ARHGEF3: variants seen among roughly 807,000 people sequenced by gnomAD.
ARHGEF3 encodes 59.8 kDA protein.
In ARHGEF3, 28 loss-of-function variants were observed where a neutral mutation model predicts 63.2. The observed-to-expected ratio is 0.44, with a 90% CI of 0.33 to 0.61. The LOEUF (loss-of-function observed/expected upper bound fraction) is 0.61, where lower values mean the gene tolerates loss of function less well. ARHGEF3 is among the 20% of genes least tolerant of loss of function. The pLI is 0.03. For synonymous variants in ARHGEF3, 266 were observed against 254.2 expected (o/e 1.05, Z -0.44); for missense variants, 533 against 659.3 (o/e 0.81, Z 2.10).
intron 4 of ARHGEF3, among the ~76,000 whole-genome samples, chr3:56,819,241 C>G (rs2038377860): frequency 1.3e-5 from 2 of 152,170 alleles, no homozygotes; most frequent in African/African-American, 2.4e-5. Flanking sequence ...GGAAAAGGCA[C>G]AGAAGGTATG....
rs56077931 is a variant in ARHGEF3, at chr3:56,733,346, G to C, written c.1042-922C>G. ...GTGGGCGGGGCGGGGGGGGGGGGGG[G>C]GCGCCTGTAATCCCAGCTACTCAGG... On this transcript the variant is annotated intron_variant, in intron 8 of 9. Transcript: ENST00000296315. Among the ~76,000 whole-genome samples the C allele has an allele frequency of 2.3e-3, 107 of 47,080 alleles. 2 individuals are homozygous for C. Among genetic ancestry groups the C allele is most frequent in the African/African-American group, 8.2e-3 (103 of 12,588 alleles). 30.9% of individuals were successfully genotyped at this position (47,080 alleles called of 152,430 possible). A position where few individuals can be genotyped will look rare whatever the true frequency, so the allele number is the denominator to read the frequency against.
chr3:57,063,286 AGCC>A lies in ARHGEF3; in HGVS notation c.-28+15937_-28+15939del, dbSNP rs1417056157. Among the ~76,000 whole-genome samples, 3 of 81,298 alleles carry A rather than the reference AGCC, an allele frequency of 3.7e-5. No individual in the cohort carries two copies. In the East Asian group the frequency reaches 2.0e-3, roughly 54 times the overall value. 53.3% of individuals were successfully genotyped at this position (81,298 alleles called of 152,430 possible). A position where few individuals can be genotyped will look rare whatever the true frequency, so the allele number is the denominator to read the frequency against. On this transcript the variant is annotated intron_variant, in intron 1 of 12. Coordinates refer to the ARHGEF3 transcript ENST00000338458. ...GCAGCCAGATCACATGGGGCCTTGC[AGCC>A]AGCCACCCTAAAGGCTTTGGCTTTG...
chr3:56,769,071 T>C (rs2035868002), intron 2 of ARHGEF3, among the ~76,000 whole-genome samples: 1 of 152,264 alleles, frequency 6.6e-6, no homozygotes, highest in Non-Finnish European at 1.5e-5. Flanking sequence ...ATGTTCTTTT[T>C]CTCTTTCTCC....
At chr3:56,840,688 C>A (rs2108108305) in intron 4 of ARHGEF3, among the ~76,000 whole-genome samples, 1 of 152,244 alleles carries the variant, frequency 6.6e-6, no homozygotes, top group African/African-American at 2.4e-5. Context: ...AATTTTAAAA[C>A]TGAGAAGACA....
intron 2 of ARHGEF3, among the ~76,000 whole-genome samples, chr3:56,772,953 T>C (rs2036086850): frequency 6.6e-6 from 1 of 152,216 alleles, no homozygotes; most frequent in East Asian, 1.9e-4. Flanking sequence ...TTAAGTCACC[T>C]GCCCAAGGTG....
Position 56,915,907 on chromosome 3 carries a change from C to T in ARHGEF3, c.130-33553G>A, listed in dbSNP as rs191314634. 9.3e-4 allele frequency among the ~76,000 whole-genome samples: 141 copies of T among 152,294 alleles called. 1 individual carries two copies. Among genetic ancestry groups the T allele is most frequent in the Non-Finnish European group, 9.0e-4 (61 of 68,022 alleles). ...CAGAAGGCAGATGCATCCTTCTTTT[C>T]CCTCTTTTCCTTCCCATTAATTAAA... On this transcript the variant is annotated intron_variant, in intron 3 of 12. Coordinates refer to the ARHGEF3 transcript ENST00000338458.
Position 56,753,533 on chromosome 3 carries a change from A to C in ARHGEF3, c.409T>G (p.Leu137Val). Residue 137 changes from leucine (L) to valine (V), a missense_variant, in exon 4 of 10, where the codon TTG becomes GTG. By Grantham distance (32) the Leu-to-Val change is conservative. This residue lies in a region of ARHGEF3 where 107 missense variants were observed against 207.9 expected (regional missense o/e 0.51). Coordinates refer to ENST00000296315, the MANE Select transcript of ARHGEF3 (RefSeq NM_019555.3). The stretch of plus-strand genomic sequence containing the variant: ...TTTGCTAATTTCAAGTCTTCTATCA[A>C]GTCTTCTTCTCCTTGGGAAAGCTCA... The part of the protein sequence containing the change: ...IFELSQGEED[L>V]IEDLKLAKKA... The C allele has an allele frequency of 6.2e-7, 1 of 1,613,926 alleles. No homozygotes were observed. The highest frequency in any genetic ancestry group is 1.3e-5 in the African/African-American group (1 of 75,030).
At chr3:56,762,398 G>T (rs1358414668) in intron 2 of ARHGEF3, among the ~76,000 whole-genome samples, 1 of 152,152 alleles carries the variant, frequency 6.6e-6, no homozygotes, top group Non-Finnish European at 1.5e-5. Context: ...CAGAGATAAT[G>T]CAGATTGAGG....
intron 3 of ARHGEF3, among the ~76,000 whole-genome samples, chr3:56,941,800 C>G (rs565772523): frequency 6.6e-6 from 1 of 152,136 alleles, no homozygotes; most frequent in South Asian, 2.1e-4. Flanking sequence ...ATTTTTTCCC[C>G]GTAAGAAGGG....
At chr3:56,856,403 A>G (rs2039883251) in intron 4 of ARHGEF3, among the ~76,000 whole-genome samples, 2 of 152,230 alleles carry the variant, frequency 1.3e-5, no homozygotes, top group African/African-American at 4.8e-5. Context: ...TTATGTCATC[A>G]AGTCTAATAC....
At chr3:56,997,419 T>C (rs914951508) in intron 2 of ARHGEF3, among the ~76,000 whole-genome samples, 3 of 152,048 alleles carry the variant, frequency 2.0e-5, no homozygotes, top group African/African-American at 7.2e-5. Context: ...CTCTTGGTTC[T>C]TGGAAGGGGC....
intron 4 of ARHGEF3, among the ~76,000 whole-genome samples, chr3:56,877,376 C>T (rs1210406745): frequency 2.9e-5 from 4 of 136,960 alleles, no homozygotes; most frequent in Non-Finnish European, 4.7e-5. Context: ...TACTATAATC[C>T]TTTTTTTTTT....
At chr3:56,929,614 G>T (rs1395227416) in intron 3 of ARHGEF3, among the ~76,000 whole-genome samples, 1 of 152,114 alleles carries the variant, frequency 6.6e-6, no homozygotes, top group Non-Finnish European at 1.5e-5. Context: ...CTTACTAGGG[G>T]ACATGGAATG....
chr3:56,800,064 C>A (rs2037565106), intron 1 of ARHGEF3, among the ~76,000 whole-genome samples: 2 of 152,092 alleles, frequency 1.3e-5, no homozygotes, highest in Admixed American at 6.5e-5. Context: ...GATATATAGA[C>A]ATATCTATAT....
At chr3:56,823,227 A>T (rs1414385060) in intron 4 of ARHGEF3, among the ~76,000 whole-genome samples, 1 of 152,174 alleles carries the variant, frequency 6.6e-6, no homozygotes, top group Non-Finnish European at 1.5e-5. Flanking sequence ...TATGTCTTAA[A>T]TATAAGAGGG....
intron 2 of ARHGEF3, among the ~76,000 whole-genome samples, chr3:57,031,924 CAATG>C (rs1340851656): frequency 1.3e-5 from 2 of 152,150 alleles, no homozygotes; most frequent in African/African-American, 4.8e-5. Context: ...GAGTTAAACA[CAATG>C]AATCTATGAT....
At chr3:56,831,571 A>G (rs1488147667) in intron 4 of ARHGEF3, among the ~76,000 whole-genome samples, 1 of 152,268 alleles carries the variant, frequency 6.6e-6, no homozygotes, top group African/African-American at 2.4e-5. Flanking sequence ...TTGTGTTACA[A>G]TAAAACCTTA....
intron 4 of ARHGEF3, among the ~76,000 whole-genome samples, chr3:56,838,296 T>C (rs951771107): frequency 3.9e-5 from 6 of 152,164 alleles, no homozygotes; most frequent in African/African-American, 1.4e-4. Flanking sequence ...TTTAAATGCA[T>C]GGAAGAACAT....
At chr3:57,025,086 A>C (rs1703418795) in intron 2 of ARHGEF3, among the ~76,000 whole-genome samples, 1 of 152,228 alleles carries the variant, frequency 6.6e-6, no homozygotes, top group Non-Finnish European at 1.5e-5. Flanking sequence ...CAGAACGTGG[A>C]TCTGACTCTT....
Sources: allele counts gnomAD v4.1 joint callset (sites outside exome capture counted in the v4.1 genomes callset), GRCh38; gene constraint gnomAD v4.1.1; regional missense constraint gnomAD v4.1.1; transcripts MANE v1.5; gene names NCBI Gene and HGNC (gene_info 2026-07-23, HGNC 2026-07-21).